The following SLC35F4 variants were observed in gnomAD, a reference collection of about 807,000 sequenced individuals.
The protein encoded by SLC35F4 is chromosome 14 open reading frame 36.
In SLC35F4, 24 loss-of-function variants were observed where a neutral mutation model predicts 44.2. The ratio of observed to expected loss-of-function variants is 0.54; its 90% CI spans 0.39 to 0.76. SLC35F4 has a LOEUF of 0.76. SLC35F4 is among the 30% of genes least tolerant of loss of function. The pLI is 0.00. For synonymous variants in SLC35F4, 238 were observed against 223.6 expected (o/e 1.06, Z -0.57); for missense variants, 562 against 586.1 (o/e 0.96, Z 0.42).
intron 1 of SLC35F4, among the ~76,000 whole-genome samples, chr14:57,881,201 T>C (rs1888527843): frequency 6.6e-6 from 1 of 152,156 alleles, no homozygotes; most frequent in South Asian, 2.1e-4. Context: ...CAGCTCAGTA[T>C]ACTTTCAGAT....
chr14:57,852,519 T>C (rs991411897), intron 1 of SLC35F4, among the ~76,000 whole-genome samples: 1 of 152,234 alleles, frequency 6.6e-6, no homozygotes, highest in African/African-American at 2.4e-5. Context: ...AAGGTGATCA[T>C]GGTTCCTACA....
chr14:57,595,879 G>A (rs2070458838), intron 1 of SLC35F4: 1 of 152,120 alleles, frequency 6.6e-6, no homozygotes. Flanking sequence ...CTATTTCTTT[G>A]GAATGATGGT....
intron 1 of SLC35F4, among the ~76,000 whole-genome samples, chr14:57,766,327 A>G (rs531308129): frequency 6.6e-6 from 1 of 152,328 alleles, no homozygotes; most frequent in South Asian, 2.1e-4. Context: ...TCAGTTAAGT[A>G]TTCATGGAAA....
chr14:57,930,340 A>ACTT (rs1406772089), intron 1 of SLC35F4, among the ~76,000 whole-genome samples: 2 of 152,140 alleles, frequency 1.3e-5, no homozygotes, highest in Non-Finnish European at 2.9e-5. Context: ...GCATCTTCTG[A>ACTT]CTTCCTTGCA....
intron 1 of SLC35F4, among the ~76,000 whole-genome samples, chr14:57,801,777 G>A (rs1482023827): frequency 6.6e-6 from 1 of 152,172 alleles, no homozygotes; most frequent in East Asian, 1.9e-4. Context: ...TCAACAAGAA[G>A]AGCTAACTAT....
At chr14:57,613,661 C>G (rs1431421343) in intron 1 of SLC35F4, among the ~76,000 whole-genome samples, 2 of 152,224 alleles carry the variant, frequency 1.3e-5, no homozygotes, top group African/African-American at 4.8e-5. Flanking sequence ...CTTCCAAAGA[C>G]TTTTGAAAAT....
intron 2 of SLC35F4, among the ~76,000 whole-genome samples, chr14:57,593,194 T>C (rs238376): frequency 0.38 from 58,096 of 152,032 alleles, 11,589 homozygotes; most frequent in Admixed American, 0.46. Flanking sequence ...GGTCATACAA[T>C]GAGAGGAAGT....
intron 1 of SLC35F4, among the ~76,000 whole-genome samples, chr14:57,618,153 T>C (rs1614677): frequency 0.61 from 92,950 of 152,124 alleles, 30,653 homozygotes; most frequent in Non-Finnish European, 0.75. Context: ...GTAAAACCAA[T>C]TGATCACATG....
intron 1 of SLC35F4, among the ~76,000 whole-genome samples, chr14:57,691,123 G>A (rs2075220258): frequency 6.6e-6 from 1 of 152,116 alleles, no homozygotes; most frequent in Non-Finnish European, 1.5e-5. Flanking sequence ...TGTATGGCTT[G>A]TAAGAAGTAA....
intron 1 of SLC35F4, among the ~76,000 whole-genome samples, chr14:57,607,430 C>G (rs951255165): frequency 3.3e-5 from 5 of 152,182 alleles, no homozygotes; most frequent in Admixed American, 2.6e-4. Flanking sequence ...AGCTAAACAA[C>G]CAGCATCAGT....
At chr14:57,654,872 C>G (rs974139774) in intron 1 of SLC35F4, among the ~76,000 whole-genome samples, 1 of 152,136 alleles carries the variant, frequency 6.6e-6, no homozygotes, top group Non-Finnish European at 1.5e-5. Flanking sequence ...TTATAGGAAG[C>G]TGGTAAAGAA....
intron 1 of SLC35F4, among the ~76,000 whole-genome samples, chr14:57,953,220 A>G (rs1048597983): frequency 2.0e-5 from 3 of 152,248 alleles, no homozygotes; most frequent in Non-Finnish European, 4.4e-5. Context: ...TCCTTTACAG[A>G]CAAGCAAATG....
intron 1 of SLC35F4, among the ~76,000 whole-genome samples, chr14:57,681,719 G>A (rs1219286762): frequency 5.9e-5 from 9 of 151,986 alleles, no homozygotes; most frequent in Non-Finnish European, 1.3e-4. Context: ...GGAACCTACA[G>A]AATGGGAGAA....
chr14:57,710,382 G>C (rs1224060008), intron 1 of SLC35F4, among the ~76,000 whole-genome samples: 1 of 152,194 alleles, frequency 6.6e-6, no homozygotes, highest in Non-Finnish European at 1.5e-5. Flanking sequence ...CAGGGGTGGA[G>C]CCATCATGGA....
chr14:57,570,990 A>G (rs537888998), intron 5 of SLC35F4, among the ~76,000 whole-genome samples: 21 of 152,338 alleles, frequency 1.4e-4, no homozygotes, highest in African/African-American at 4.6e-4. Context: ...CTTGTCACAC[A>G]GAATCAATGG....
At chr14:57,689,996 A>G (rs571200766) in intron 1 of SLC35F4, among the ~76,000 whole-genome samples, 79 of 152,124 alleles carry the variant, frequency 5.2e-4, no homozygotes, top group Non-Finnish European at 6.9e-4. Context: ...CCTCGAACAA[A>G]TCATGCTTTC....
intron 3 of SLC35F4, among the ~76,000 whole-genome samples, chr14:57,584,817 T>C (rs984873388): frequency 6.6e-6 from 1 of 152,294 alleles, no homozygotes; most frequent in Non-Finnish European, 1.5e-5. Context: ...GATACTTCTT[T>C]TTATATAAAA....
intron 1 of SLC35F4, among the ~76,000 whole-genome samples, chr14:57,684,816 G>A (rs995309989): frequency 2.0e-5 from 3 of 152,166 alleles, no homozygotes; most frequent in African/African-American, 7.2e-5. Flanking sequence ...ATCTCACTTG[G>A]TTCTGATGAA....
At chr14:57,696,651 G>T (rs746705393) in intron 1 of SLC35F4, among the ~76,000 whole-genome samples, 11 of 152,144 alleles carry the variant, frequency 7.2e-5, no homozygotes, top group Non-Finnish European at 1.0e-4. Context: ...CAATAGCAAA[G>T]ACTTGGAACC....
Sources: gnomAD v4.1 joint callset for allele counts (sites outside exome capture counted in the v4.1 genomes callset) on GRCh38, gnomAD v4.1.1 for gene constraint, MANE v1.5 for transcripts, NCBI Gene and HGNC (gene_info 2026-07-23, HGNC 2026-07-21) for gene names.